The following RGPD4 variants were observed in gnomAD, a reference collection of about 807,000 sequenced individuals.
RGPD4 encodes RANBP2 like and GRIP domain containing 4, also known as ranBP2-like and GRIP domain-containing protein 4.
RGPD4 carries 84 observed loss-of-function variants against 141.1 expected under a neutral mutation model. The ratio of observed to expected loss-of-function variants is 0.60; its 90% CI spans 0.50 to 0.71. The LOEUF (loss-of-function observed/expected upper bound fraction) is 0.71, where lower values mean the gene tolerates loss of function less well. Ranked by LOEUF, RGPD4 falls within the 30% of genes least tolerant of loss-of-function variation. RGPD4 has a pLI of 0.00. For synonymous variants in RGPD4, 298 were observed against 566.8 expected (o/e 0.53, Z 6.74); for missense variants, 918 against 1,622.4 (o/e 0.57, Z 7.46).
At chr2:107,831,383 G>C (rs559052307) in intron 1 of RGPD4, among the ~76,000 whole-genome samples, 209 of 141,428 alleles carry the variant, frequency 1.5e-3, no homozygotes, top group African/African-American at 4.6e-3. Context: ...TCAAATTTTT[G>C]GGCATAAATG....
At chr2:107,857,200 C>T (rs1176127280) in intron 9 of RGPD4, among the ~76,000 whole-genome samples, 76 of 150,334 alleles carry the variant, frequency 5.1e-4, no homozygotes, top group Admixed American at 2.2e-3. Flanking sequence ...TGCAGTGGTG[C>T]GATCTCGGCT....
intron 1 of RGPD4, among the ~76,000 whole-genome samples, chr2:107,828,274 T>C (rs1681308828): frequency 2.4e-5 from 1 of 41,428 alleles, no homozygotes; most frequent in Admixed American, 1.7e-4. Context: ...GCATCATGGC[T>C]CCCGACGGGC....
chr2:107,830,342 TTA>T (rs1491489149), intron 1 of RGPD4, among the ~76,000 whole-genome samples: 11 of 61,688 alleles, frequency 1.8e-4, no homozygotes, highest in African/African-American at 9.8e-4. Flanking sequence ...TTAAACAAGC[TTA>T]AAAAAAAAAA....
chr2:107,885,019 T>C (rs1467961871), intron 22 of RGPD4, among the ~76,000 whole-genome samples: 1 of 152,046 alleles, frequency 6.6e-6, no homozygotes, highest in Non-Finnish European at 1.5e-5. Context: ...GGAGGAATGT[T>C]CTCAATACTG....
chr2:107,866,985 A>C (rs1303883135), intron 18 of RGPD4, among the ~76,000 whole-genome samples: 1 of 149,436 alleles, frequency 6.7e-6, no homozygotes, highest in Admixed American at 6.7e-5. Context: ...TGGGTTGGCT[A>C]TGTGCAAAAG....
intron 20 of RGPD4, among the ~76,000 whole-genome samples, chr2:107,874,749 A>T (rs891172729): frequency 6.6e-6 from 1 of 150,690 alleles, no homozygotes; most frequent in African/African-American, 2.5e-5. Flanking sequence ...GGGACCTTAG[A>T]AATGAAGACT....
At chr2:107,830,214 T>C (rs1232002678) in intron 1 of RGPD4, among the ~76,000 whole-genome samples, 1 of 151,976 alleles carries the variant, frequency 6.6e-6, no homozygotes, top group East Asian at 1.9e-4. Context: ...AAATCGTTAG[T>C]ATGGCTTGCA....
At chr2:107,853,015 G>C (rs1682171655) in intron 7 of RGPD4, among the ~76,000 whole-genome samples, 1 of 148,514 alleles carries the variant, frequency 6.7e-6, no homozygotes, top group Non-Finnish European at 1.5e-5. Context: ...CTTGTGCCAT[G>C]AATTCCTGAA....
chr2:107,846,120 G>A (rs1293326550), intron 6 of RGPD4, among the ~76,000 whole-genome samples: 2 of 142,538 alleles, frequency 1.4e-5, no homozygotes, highest in Admixed American at 1.4e-4. Context: ...TAGAGATGGG[G>A]TTTCACTGTG....
At chr2:107,857,970 C>T (rs1242947213) in intron 9 of RGPD4, among the ~76,000 whole-genome samples, 1 of 152,054 alleles carries the variant, frequency 6.6e-6, no homozygotes, top group Non-Finnish European at 1.5e-5. Flanking sequence ...GCCTGGGCGA[C>T]AGAGCGAGAC....
intron 21 of RGPD4, among the ~76,000 whole-genome samples, chr2:107,882,113 G>C (rs1239840942): frequency 6.6e-6 from 1 of 151,880 alleles, no homozygotes; most frequent in African/African-American, 2.4e-5. Flanking sequence ...CGTTCCATCA[G>C]TTCCCCAGCT....
At chr2:107,882,262 G>A (rs563563666) in intron 21 of RGPD4, among the ~76,000 whole-genome samples, 78 of 149,822 alleles carry the variant, frequency 5.2e-4, no homozygotes, top group Non-Finnish European at 7.1e-4. Context: ...TCTGTTTCTC[G>A]TGAGAATTTC....
intron 1 of RGPD4, among the ~76,000 whole-genome samples, chr2:107,834,456 A>C (rs1196985443): frequency 6.6e-6 from 1 of 152,056 alleles, no homozygotes; most frequent in Non-Finnish European, 1.5e-5. Context: ...AAAATCTCAC[A>C]GCCTCCTGCT....
chr2:107,884,047 A>G (rs375942564), intron 22 of RGPD4, among the ~76,000 whole-genome samples: 1 of 151,730 alleles, frequency 6.6e-6, no homozygotes. Context: ...ATGTCTTTTT[A>G]TAGTATCCTA....
chr2:107,885,331 T>G (rs549663043), intron 22 of RGPD4, among the ~76,000 whole-genome samples: 1 of 152,184 alleles, frequency 6.6e-6, no homozygotes, highest in Non-Finnish European at 1.5e-5. Flanking sequence ...CGTTTGCATT[T>G]TAAAATTAAA....
intron 17 of RGPD4, among the ~76,000 whole-genome samples, chr2:107,865,958 T>C (rs1682715217): frequency 8.9e-6 from 1 of 112,960 alleles, no homozygotes; most frequent in Admixed American, 8.4e-5. Flanking sequence ...TAATCCCAGC[T>C]AGTTGGGAAG....
chr2:107,888,669 A>G (rs1164238695), intron 22 of RGPD4, among the ~76,000 whole-genome samples: 5 of 140,800 alleles, frequency 3.6e-5, no homozygotes, highest in Non-Finnish European at 7.6e-5. Context: ...ATGATAGATT[A>G]CAAGAGATTG....
chr2:107,829,405 A>C lies in RGPD4; in HGVS notation c.72+2320A>C, dbSNP rs533797701. ...CCTCGATGGCTCAGGCGTCATGGCT[A>C]CCGACGGGCGCTGCTCCCTGGCGCG... On this transcript the variant is annotated intron_variant, in intron 1 of 22. Transcript: ENST00000408999. Among the ~76,000 whole-genome samples the C allele has an allele frequency of 2.6e-3, 51 of 19,660 alleles. 2 individuals carry two copies. Among genetic ancestry groups the C allele is most frequent in the South Asian group, 6.9e-3 (2 of 288 alleles). 12.9% of individuals were successfully genotyped at this position (19,660 alleles called of 152,430 possible).
At chr2:107,881,937 C>G (rs569695212) in intron 21 of RGPD4, among the ~76,000 whole-genome samples, 1 of 151,962 alleles carries the variant, frequency 6.6e-6, no homozygotes, top group Non-Finnish European at 1.5e-5. Context: ...CTGCCTGGGA[C>G]TTCAGGAACA....
Sources: allele counts gnomAD v4.1 joint callset (sites outside exome capture counted in the v4.1 genomes callset), GRCh38; gene constraint gnomAD v4.1.1; transcripts MANE v1.5; gene names NCBI Gene and HGNC (gene_info 2026-07-23, HGNC 2026-07-21).